Variants in ERBB4 observed in about 807,000 individuals in gnomAD.
ERBB4 encodes the protein erb-b2 receptor tyrosine kinase 4.
ERBB4 carries 42 observed loss-of-function variants against 158.0 expected under a neutral mutation model. The ratio of observed to expected loss-of-function variants is 0.27; its 90% CI spans 0.21 to 0.34. The LOEUF (loss-of-function observed/expected upper bound fraction) is 0.34. Among genes scored for constraint, ERBB4 ranks in the 10% least tolerant of loss-of-function variants. The pLI, the probability that ERBB4 is intolerant of heterozygous loss-of-function variation, is 1.00. For missense variants in ERBB4, 1,333 were observed against 1,624.1 expected (o/e 0.82, Z 3.08); for synonymous variants, 583 against 558.7 (o/e 1.04, Z -0.61).
At chr2:212,522,262 G>A (rs912032647) in intron 1 of ERBB4, among the ~76,000 whole-genome samples, 85 of 151,984 alleles carry the variant, frequency 5.6e-4, no homozygotes, top group African/African-American at 1.9e-3. Flanking sequence ...ATATTGTTAA[G>A]GTCAGGTGAG....
chr2:212,508,895 C>T (rs1691346707), intron 1 of ERBB4, among the ~76,000 whole-genome samples: 1 of 152,000 alleles, frequency 6.6e-6, no homozygotes, highest in African/African-American at 2.4e-5. Flanking sequence ...TTGTCATCTG[C>T]CAATTTCAAT....
intron 20 of ERBB4, among the ~76,000 whole-genome samples, chr2:211,560,344 G>A (rs2067356938): frequency 7.7e-6 from 1 of 130,244 alleles, no homozygotes; most frequent in Non-Finnish European, 1.6e-5. Flanking sequence ...GTGTGATCTC[G>A]GCTCACCACA....
intron 16 of ERBB4, among the ~76,000 whole-genome samples, chr2:211,631,127 C>T (rs1234531922): frequency 6.6e-6 from 1 of 152,072 alleles, no homozygotes. Flanking sequence ...TGGCTTCCAT[C>T]CCTGAGATGC....
chr2:212,486,193 A>G (rs1180246651), intron 1 of ERBB4, among the ~76,000 whole-genome samples: 1 of 152,156 alleles, frequency 6.6e-6, no homozygotes, highest in Non-Finnish European at 1.5e-5. Context: ...ATAAAGAGAT[A>G]AAAACAAAAC....
At chr2:211,993,160 T>G (rs760747035) in intron 2 of ERBB4, among the ~76,000 whole-genome samples, 2 of 152,210 alleles carry the variant, frequency 1.3e-5, no homozygotes, top group Non-Finnish European at 2.9e-5. Flanking sequence ...CACCTTAGAA[T>G]GTAACTGTAT....
At chr2:212,425,128 A>G (rs1308652268) in intron 1 of ERBB4, among the ~76,000 whole-genome samples, 3 of 151,748 alleles carry the variant, frequency 2.0e-5, no homozygotes, top group Non-Finnish European at 4.4e-5. Context: ...TTGTAATACT[A>G]AAGTCAAGAA....
intron 3 of ERBB4, among the ~76,000 whole-genome samples, chr2:211,788,995 G>A (rs1422398765): frequency 1.3e-5 from 2 of 152,062 alleles, no homozygotes; most frequent in Non-Finnish European, 2.9e-5. Flanking sequence ...GCCTTGATTA[G>A]CTAATTTGTC....
chr2:211,595,018 T>C (rs1332129757), intron 19 of ERBB4, among the ~76,000 whole-genome samples: 2 of 152,230 alleles, frequency 1.3e-5, no homozygotes, highest in Non-Finnish European at 2.9e-5. Context: ...TTGAATAGAA[T>C]GTCTTTTTGT....
chr2:211,425,846 C>T (rs2063615469), intron 22 of ERBB4, among the ~76,000 whole-genome samples: 1 of 151,904 alleles, frequency 6.6e-6, no homozygotes, highest in Non-Finnish European at 1.5e-5. Context: ...CCATGCCTGG[C>T]TGATTTTCGT....
At chr2:211,872,414 C>T (rs1470260078) in intron 3 of ERBB4, among the ~76,000 whole-genome samples, 3 of 152,046 alleles carry the variant, frequency 2.0e-5, no homozygotes, top group Admixed American at 2.0e-4. Context: ...CAGCAAAAGG[C>T]GGGGGTTCTT....
At chr2:212,416,677 C>T (rs989375826) in intron 1 of ERBB4, among the ~76,000 whole-genome samples, 2 of 152,002 alleles carry the variant, frequency 1.3e-5, no homozygotes, top group Admixed American at 6.6e-5. Flanking sequence ...TCATTATTAG[C>T]ACTGCAGTAC....
At position 211,393,828 on chromosome 2, in the gene ERBB4, G is replaced by A. The variant is rs577160165; in HGVS notation, c.3136-5836C>T. Among the ~76,000 whole-genome samples, 11 of 147,582 alleles carry A rather than the reference G, an allele frequency of 7.5e-5. No homozygotes were observed. In the South Asian group the frequency reaches 2.4e-3, roughly 32 times the overall value. On this transcript the variant is annotated intron_variant, in intron 25 of 27. Coordinates refer to ENST00000342788, the MANE Select transcript of ERBB4 (RefSeq NM_005235.3). ...ACAAGTCCTTTTTATCTAAAATCAT[G>A]TTGTGTATATATACATTTACCTACC...
chr2:211,513,028 T>A (rs999300897), intron 20 of ERBB4, among the ~76,000 whole-genome samples: 1 of 152,044 alleles, frequency 6.6e-6, no homozygotes, highest in Non-Finnish European at 1.5e-5. Flanking sequence ...GCAGAGCTGA[T>A]TGCCTATGGT....
Position 212,178,109 on chromosome 2 carries a change from A to G in ERBB4, c.83-53206T>C, listed in dbSNP as rs1452091099. ...AAAAGTGGTGATAGATAAGGCCGAA[A>G]TATAAGAGGATGCTTAAGAAATATC... On this transcript the variant is annotated intron_variant, in intron 1 of 27. Transcript: ENST00000342788. Among the ~76,000 whole-genome samples the G allele has an allele frequency of 2.0e-5, 3 of 151,818 alleles. No homozygotes were observed. The East Asian group carries it at 5.8e-4, about 29-fold the overall frequency.
intron 1 of ERBB4, among the ~76,000 whole-genome samples, chr2:212,414,097 A>G (rs544049388): frequency 5.3e-5 from 8 of 152,206 alleles, no homozygotes; most frequent in Non-Finnish European, 1.0e-4. Flanking sequence ...ACATGCACAC[A>G]TGCACACAAA....
intron 5 of ERBB4, among the ~76,000 whole-genome samples, chr2:211,725,519 A>T (rs2074238396): frequency 6.6e-6 from 1 of 152,080 alleles, no homozygotes; most frequent in Non-Finnish European, 1.5e-5. Context: ...CTGAGACAGG[A>T]GGATTGCTTG....
intron 3 of ERBB4, among the ~76,000 whole-genome samples, chr2:211,799,905 A>G (rs1168914266): frequency 1.3e-5 from 2 of 152,138 alleles, no homozygotes; most frequent in African/African-American, 4.8e-5. Context: ...CCAGGGCAAG[A>G]CTACTAGGCC....
At chr2:211,811,642 C>CTAGCAA (rs1336530007) in intron 3 of ERBB4, among the ~76,000 whole-genome samples, 2 of 152,200 alleles carry the variant, frequency 1.3e-5, no homozygotes, top group East Asian at 3.9e-4. Context: ...CCATCACTTT[C>CTAGCAA]AAGTACACCA....
intron 3 of ERBB4, among the ~76,000 whole-genome samples, chr2:211,883,381 G>C (rs13021786): frequency 6.6e-6 from 1 of 151,992 alleles, no homozygotes; most frequent in Admixed American, 6.6e-5. Flanking sequence ...CACCAACATG[G>C]CACATGTATA....
Sources: allele counts gnomAD v4.1 joint callset (sites outside exome capture counted in the v4.1 genomes callset), GRCh38; gene constraint gnomAD v4.1.1; transcripts MANE v1.5; gene names NCBI Gene and HGNC (gene_info 2026-07-23, HGNC 2026-07-21).